The following GRIA4 variants were observed in gnomAD, a reference collection of about 807,000 sequenced individuals.
GRIA4 encodes glutamate ionotropic receptor AMPA type subunit 4, also known as glutamate receptor 4.
Under a neutral mutation model 104.0 loss-of-function variants are expected in GRIA4, and 34 were observed. The ratio of observed to expected loss-of-function variants is 0.33; its 90% CI spans 0.25 to 0.44. The LOEUF (loss-of-function observed/expected upper bound fraction) is 0.44, where lower values mean the gene tolerates loss of function less well. GRIA4 is among the 20% of genes least tolerant of loss of function. The probability of loss-of-function intolerance (pLI) is 1.00; values close to 1 mark genes in which losing one functional copy is unlikely to be tolerated. For synonymous variants in GRIA4, 386 were observed against 381.9 expected (o/e 1.01, Z -0.13); for missense variants, 750 against 1,096.5 (o/e 0.68, Z 4.46).
At chr11:105,688,190 T>TATCTATC (rs1306656378) in intron 3 of GRIA4, among the ~76,000 whole-genome samples, 5,581 of 137,506 alleles carry the variant, frequency 0.041, 152 homozygotes, top group South Asian at 0.066. Flanking sequence ...ATCTATCTAT[T>TATCTATC]TATCTATATG....
intron 3 of GRIA4, among the ~76,000 whole-genome samples, chr11:105,651,130 T>G (rs1237269282): frequency 6.6e-6 from 1 of 152,198 alleles, no homozygotes; most frequent in Non-Finnish European, 1.5e-5. Flanking sequence ...GAAATCTACT[T>G]AACTTTGGTA....
chr11:105,969,186 A>C (rs113156660), intron 14 of GRIA4, among the ~76,000 whole-genome samples: 57 of 152,336 alleles, frequency 3.7e-4, no homozygotes, highest in African/African-American at 1.3e-3. Flanking sequence ...GATAGATGCT[A>C]TACTTACAAA....
At chr11:105,667,011 G>A (rs1217631053) in intron 3 of GRIA4, among the ~76,000 whole-genome samples, 3 of 151,808 alleles carry the variant, frequency 2.0e-5, no homozygotes, top group Admixed American at 1.3e-4. Flanking sequence ...GCATGAAGTG[G>A]TTCCTACAAT....
intron 3 of GRIA4, among the ~76,000 whole-genome samples, chr11:105,719,532 A>G (rs1439862976): frequency 1.3e-5 from 2 of 152,316 alleles, no homozygotes; most frequent in East Asian, 3.9e-4. Context: ...TATGTAGTCC[A>G]GGATATGACA....
In GRIA4 at chr11:105,835,676, T is replaced by C. The variant is rs113681142; in HGVS notation, c.488-26348T>C. Among the ~76,000 whole-genome samples, 1,491 of 152,200 alleles carry C rather than the reference T, an allele frequency of 9.8e-3. 28 individuals are homozygous for C. The highest frequency in any genetic ancestry group is 0.034 in the African/African-American group (1,430 of 41,560). On this transcript the variant is annotated intron_variant, in intron 4 of 16. Coordinates refer to ENST00000282499, the MANE Select transcript of GRIA4 (RefSeq NM_000829.4). ...TAGGAGGATTCGCAGGTGATACTTA[T>C]TAAACTACATTATTTTTCATGGCTT...
At chr11:105,909,194 CTCTT>C (rs1284731585) in intron 9 of GRIA4, among the ~76,000 whole-genome samples, 1 of 152,092 alleles carries the variant, frequency 6.6e-6, no homozygotes, top group Admixed American at 6.6e-5. Context: ...AATCTAGTGC[CTCTT>C]TCTGACACGT....
At chr11:105,732,155 T>G (rs1938638539) in intron 3 of GRIA4, among the ~76,000 whole-genome samples, 1 of 151,866 alleles carries the variant, frequency 6.6e-6, no homozygotes, top group South Asian at 2.1e-4. Flanking sequence ...AATTAAAGAG[T>G]GGGGGAAGGC....
At chr11:105,883,609 T>A (rs1946146781) in intron 5 of GRIA4, among the ~76,000 whole-genome samples, 1 of 152,172 alleles carries the variant, frequency 6.6e-6, no homozygotes, top group African/African-American at 2.4e-5. Flanking sequence ...CACAAACTCA[T>A]CATTTTTTAT....
At chr11:105,817,724 T>C (rs12285171) in intron 4 of GRIA4, among the ~76,000 whole-genome samples, 21,766 of 152,092 alleles carry the variant, frequency 0.14, 1,764 homozygotes, top group Admixed American at 0.22. Context: ...GTACATTATA[T>C]ATAGAGAGTA....
intron 10 of GRIA4, among the ~76,000 whole-genome samples, chr11:105,915,199 G>A (rs1947364440): frequency 6.6e-6 from 1 of 152,154 alleles, no homozygotes; most frequent in African/African-American, 2.4e-5. Flanking sequence ...CTCCCTGGGT[G>A]CGATCATGTC....
At chr11:105,624,385 A>T (rs1950831600) in intron 3 of GRIA4, among the ~76,000 whole-genome samples, 1 of 152,152 alleles carries the variant, frequency 6.6e-6, no homozygotes, top group Non-Finnish European at 1.5e-5. Flanking sequence ...ACTAGCAAGC[A>T]CACTCAGGAG....
At chr11:105,813,721 T>A (rs1269746369) in intron 4 of GRIA4, among the ~76,000 whole-genome samples, 1 of 152,140 alleles carries the variant, frequency 6.6e-6, no homozygotes, top group African/African-American at 2.4e-5. Flanking sequence ...TAAAATAGGA[T>A]TCCAGTAGTG....
At position 105,980,732 on chromosome 11, in the gene GRIA4, T is replaced by C. The variant is rs1859222128; in HGVS notation, c.*993T>C. 1 of 152,670 alleles carries C rather than the reference T, an allele frequency of 6.6e-6. No individual in the cohort carries two copies. The highest frequency in any genetic ancestry group is 2.4e-5 in the African/African-American group (1 of 41,464). 9.5% of individuals were successfully genotyped at this position (152,670 alleles called of 1,614,324 possible). A position where few individuals can be genotyped will look rare whatever the true frequency, so the allele number is the denominator to read the frequency against. ...CAATATCTACAGAGCTTAAAAGTTT[T>C]TTCTTATCGTTATAAAAGTTATTTG... On this transcript the variant is annotated 3_prime_UTR_variant, in exon 17 of 17. Coordinates refer to ENST00000282499, the MANE Select transcript of GRIA4 (RefSeq NM_000829.4).
intron 4 of GRIA4, among the ~76,000 whole-genome samples, chr11:105,845,084 G>C (rs1382227612): frequency 6.6e-6 from 1 of 152,178 alleles, no homozygotes; most frequent in Admixed American, 6.5e-5. Context: ...ACCTCACATG[G>C]TTTTGCAGGT....
intron 3 of GRIA4, among the ~76,000 whole-genome samples, chr11:105,705,535 A>G (rs1953665330): frequency 6.6e-6 from 1 of 152,184 alleles, no homozygotes; most frequent in African/African-American, 2.4e-5. Flanking sequence ...TCCCCAGTAC[A>G]TAAAGAACAC....
chr11:105,738,018 C>T (rs531970487), intron 3 of GRIA4, among the ~76,000 whole-genome samples: 2 of 151,674 alleles, frequency 1.3e-5, no homozygotes, highest in Non-Finnish European at 2.9e-5. Context: ...CCCTCCCACC[C>T]CCCTGCCCTG....
intron 5 of GRIA4, among the ~76,000 whole-genome samples, chr11:105,883,793 G>A (rs887678790): frequency 2.0e-5 from 3 of 152,124 alleles, no homozygotes; most frequent in Non-Finnish European, 4.4e-5. Flanking sequence ...TATATACCCC[G>A]TAATGGGATG....
chr11:105,689,195 A>T (rs552949838), intron 3 of GRIA4, among the ~76,000 whole-genome samples: 1 of 152,216 alleles, frequency 6.6e-6, no homozygotes, highest in Non-Finnish European at 1.5e-5. Flanking sequence ...GGCATCACCA[A>T]GAAGAGATGG....
intron 14 of GRIA4, among the ~76,000 whole-genome samples, chr11:105,944,910 G>C (rs1948271155): frequency 6.6e-6 from 1 of 152,104 alleles, no homozygotes; most frequent in Admixed American, 6.5e-5. Context: ...CAAGCACATA[G>C]TGTCTGATAA....
Sources: allele counts gnomAD v4.1 joint callset (sites outside exome capture counted in the v4.1 genomes callset), GRCh38; gene constraint gnomAD v4.1.1; transcripts MANE v1.5; gene names NCBI Gene and HGNC (gene_info 2026-07-23, HGNC 2026-07-21).